The following RBMS3 variants were observed in gnomAD, a reference collection of about 807,000 sequenced individuals.
The protein encoded by RBMS3 is RNA binding motif single stranded interacting protein 3.
In RBMS3, 27 loss-of-function variants were observed where a neutral mutation model predicts 66.8. The observed-to-expected ratio is 0.40, with a 90% confidence interval of 0.30 to 0.56. The LOEUF (loss-of-function observed/expected upper bound fraction) is 0.56, where lower values mean the gene tolerates loss of function less well. Among genes scored for constraint, RBMS3 ranks in the 20% least tolerant of loss-of-function variants. The pLI is 0.40. For missense variants in RBMS3, 513 were observed against 549.5 expected, an observed-to-expected ratio of 0.93 and a Z score of 0.66; for synonymous variants, 188 against 183.0, an observed-to-expected ratio of 1.03 and a Z score of -0.22.
Position 29,961,362 on chromosome 3 carries a change from A to C in RBMS3, c.1098+17108A>C, listed in dbSNP as rs566542520. ...ATCCAACAAGTCTCTAGGAAGTTTC[A>C]AAGTTTCCCACATCTTCCTGTCTTC... On this transcript the variant is annotated intron_variant, in intron 12 of 14. Transcript: ENST00000383767. Among the ~76,000 whole-genome samples the C allele has an allele frequency of 2.0e-5, 3 of 152,272 alleles. No individual in the cohort carries two copies. The South Asian group carries it at 6.2e-4, about 32-fold the overall frequency.
intron 3 of RBMS3, among the ~76,000 whole-genome samples, chr3:29,506,776 A>G (rs116285738): frequency 0.011 from 1,725 of 151,892 alleles, 7 homozygotes; most frequent in Non-Finnish European, 0.016. Flanking sequence ...CAGATTTTCC[A>G]TTACTTCATG....
Position 29,450,902 on chromosome 3 carries a change from T to TAC in RBMS3, c.248+16016_248+16017dup, listed in dbSNP as rs140249632. 5.3e-4 allele frequency among the ~76,000 whole-genome samples: 45 copies of TAC among 85,386 alleles called. No individual in the cohort carries two copies. The East Asian group carries it at 5.9e-3, about 11-fold the overall frequency. The allele number at this position is 85,386 out of a possible 152,430, so 56.0% of individuals were successfully genotyped here. ...GTAACAGTCTACCTCAACACACAGA[T>TAC]ACACACACACACACACACACACACA... On this transcript the variant is annotated intron_variant, in intron 2 of 14. Transcript: ENST00000383767.
intron 6 of RBMS3, among the ~76,000 whole-genome samples, chr3:29,814,365 C>T (rs2057815803): frequency 6.6e-6 from 1 of 152,178 alleles, no homozygotes; most frequent in Non-Finnish European, 1.5e-5. Flanking sequence ...TTTTGATGTG[C>T]TGCTGGATTC....
At chr3:29,988,532 A>C (rs1400130023) in intron 13 of RBMS3, among the ~76,000 whole-genome samples, 3 of 152,220 alleles carry the variant, frequency 2.0e-5, no homozygotes, top group Non-Finnish European at 4.4e-5. Context: ...AAAGGAAAAA[A>C]GTTTGCAACT....
intron 3 of RBMS3, among the ~76,000 whole-genome samples, chr3:29,581,805 A>C (rs1427288948): frequency 6.6e-6 from 1 of 152,168 alleles, no homozygotes; most frequent in Non-Finnish European, 1.5e-5. Context: ...TCTGAGAGCA[A>C]GTCTCCTTGG....
intron 12 of RBMS3, among the ~76,000 whole-genome samples, chr3:29,983,098 G>A (rs1698106540): frequency 1.3e-5 from 2 of 152,194 alleles, no homozygotes; most frequent in East Asian, 1.9e-4. Flanking sequence ...CTCATGTATT[G>A]GGTGCATATA....
chr3:29,298,789 C>T (rs2033467361), intron 1 of RBMS3, among the ~76,000 whole-genome samples: 1 of 151,822 alleles, frequency 6.6e-6, no homozygotes, highest in African/African-American at 2.4e-5. Flanking sequence ...TCTTCTAGTC[C>T]AGTACTGTAT....
intron 4 of RBMS3, among the ~76,000 whole-genome samples, chr3:29,661,378 A>G (rs893957): frequency 0.058 from 8,816 of 152,220 alleles, 354 homozygotes; most frequent in Admixed American, 0.1. Flanking sequence ...TTATTTCTCA[A>G]TATGCTAAAG....
rs143675155 is a variant in RBMS3 at position 29,894,130 on chromosome 3, G to C, written c.792-3249G>C. On this transcript the variant is annotated intron_variant, in intron 8 of 14. Coordinates refer to ENST00000383767, the MANE Select transcript of RBMS3 (RefSeq NM_001003793.3). ...CAAAAATTTATCTTTCCTCAGTTCT[G>C]AATGGTAGAAATTCAAGATCAATGT... is the stretch of plus-strand genomic sequence containing the variant. 5.3e-3 allele frequency among the ~76,000 whole-genome samples: 806 copies of C among 151,652 alleles called. 8 individuals carry two copies. Among genetic ancestry groups the C allele is most frequent in the Middle Eastern group, 0.02 (6 of 294 alleles).
At chr3:29,743,550 T>C (rs929443449) in intron 5 of RBMS3, among the ~76,000 whole-genome samples, 1 of 152,130 alleles carries the variant, frequency 6.6e-6, no homozygotes, top group Non-Finnish European at 1.5e-5. Flanking sequence ...TTCAGCAGTC[T>C]GTAATCTGTG....
At chr3:29,514,680 T>TATATATATATATATATATATA (rs2044548456) in intron 3 of RBMS3, among the ~76,000 whole-genome samples, 2 of 125,424 alleles carry the variant, frequency 1.6e-5, no homozygotes, top group African/African-American at 3.3e-5. Context: ...TATATATATA[T>TATATATATATATATATATATA]GATAGGCATA....
chr3:29,711,084 A>G (rs555924792), intron 4 of RBMS3, among the ~76,000 whole-genome samples: 1 of 152,134 alleles, frequency 6.6e-6, no homozygotes, highest in Non-Finnish European at 1.5e-5. Context: ...TATGTATCCT[A>G]TGTGTTTTCC....
At chr3:29,664,286 G>A (rs973789779) in intron 4 of RBMS3, among the ~76,000 whole-genome samples, 11 of 152,092 alleles carry the variant, frequency 7.2e-5, no homozygotes, top group Non-Finnish European at 1.6e-4. Context: ...TCAAGAGATC[G>A]AGACCATCCT....
chr3:29,452,186 C>A (rs985392730), intron 2 of RBMS3, among the ~76,000 whole-genome samples: 1 of 152,166 alleles, frequency 6.6e-6, no homozygotes, highest in Admixed American at 6.5e-5. Flanking sequence ...GGCTCCCTCT[C>A]AATAGGAAAT....
intron 6 of RBMS3, among the ~76,000 whole-genome samples, chr3:29,844,490 A>C (rs1381114095): frequency 6.6e-6 from 1 of 152,210 alleles, no homozygotes; most frequent in Non-Finnish European, 1.5e-5. Flanking sequence ...CTGATAAGAT[A>C]ATAAGACTTT....
At chr3:29,753,268 C>T (rs2149368771) in intron 5 of RBMS3, among the ~76,000 whole-genome samples, 1 of 152,116 alleles carries the variant, frequency 6.6e-6, no homozygotes, top group Non-Finnish European at 1.5e-5. Context: ...TTGAACGATC[C>T]CACTTTTACA....
chr3:29,911,576 ATAAAG>A (rs1001234388), intron 10 of RBMS3, among the ~76,000 whole-genome samples: 1 of 152,098 alleles, frequency 6.6e-6, no homozygotes, highest in Non-Finnish European at 1.5e-5. Context: ...CTTGGGTATC[ATAAAG>A]TAATCATTAT....
At chr3:29,981,682 TA>T (rs542064030) in intron 12 of RBMS3, among the ~76,000 whole-genome samples, 245 of 152,346 alleles carry the variant, frequency 1.6e-3, no homozygotes, top group African/African-American at 5.2e-3. Context: ...TCTATCGAGA[TA>T]ATCATGTGGT....
chr3:29,814,589 C>T (rs1224015367), intron 6 of RBMS3, among the ~76,000 whole-genome samples: 1 of 151,994 alleles, frequency 6.6e-6, no homozygotes, highest in African/African-American at 2.4e-5. Context: ...TGGTAGAATT[C>T]GGCTGTGAAT....
Sources: allele counts gnomAD v4.1 joint callset (sites outside exome capture counted in the v4.1 genomes callset), GRCh38; gene constraint gnomAD v4.1.1; transcripts MANE v1.5; gene names NCBI Gene and HGNC (gene_info 2026-07-23, HGNC 2026-07-21).